The following SSPN variants were observed in gnomAD, a reference collection of about 807,000 sequenced individuals.
SSPN encodes the protein K-ras oncogene-associated protein.
In SSPN, 15 loss-of-function variants were observed where a neutral mutation model predicts 19.1. That is an observed-to-expected ratio of 0.78 (90% confidence interval 0.52 to 1.21). SSPN has a LOEUF of 1.21. Ranked by LOEUF, SSPN falls within the 50% of genes most tolerant of loss-of-function variation. SSPN has a pLI of 0.00. For synonymous variants in SSPN, 147 were observed against 140.3 expected (o/e 1.05, Z -0.34); for missense variants, 291 against 314.0 (o/e 0.93, Z 0.55).
upstream of SSPN, among the ~76,000 whole-genome samples, chr12:26,192,381 A>G (rs2137452799): frequency 6.6e-6 from 1 of 152,226 alleles, no homozygotes; most frequent in East Asian, 1.9e-4. Flanking sequence ...ATACTGAAAA[A>G]CCCAGTTCAT....
chr12:26,187,896 G>T (rs875296), intron 1 of SSPN, among the ~76,000 whole-genome samples: 12 of 151,932 alleles, frequency 7.9e-5, no homozygotes, highest in South Asian at 2.1e-4. Flanking sequence ...TTTTGTGAAG[G>T]GTATAAGAAG....
At chr12:26,216,196 A>G (rs1486374913) in intron 1 of SSPN, among the ~76,000 whole-genome samples, 1 of 152,154 alleles carries the variant, frequency 6.6e-6, no homozygotes, top group Non-Finnish European at 1.5e-5. Flanking sequence ...CATTTCGATA[A>G]ACCCTACACC....
intron 1 of SSPN, among the ~76,000 whole-genome samples, chr12:26,145,507 T>A (rs913940657): frequency 6.6e-6 from 1 of 152,204 alleles, no homozygotes; most frequent in African/African-American, 2.4e-5. Flanking sequence ...GTGTCCGCTA[T>A]GCCTGGGACA....
At chr12:26,163,543 G>A (rs939707194) in intron 1 of SSPN, among the ~76,000 whole-genome samples, 3 of 152,178 alleles carry the variant, frequency 2.0e-5, no homozygotes, top group African/African-American at 2.4e-5. Context: ...TTGCTGTGTC[G>A]TCACATGGCA....
rs1435330698 is a variant in SSPN, at chr12:26,232,612, A to C, written c.*1536A>C. ...CCTGCTTGTCTTAGAAGAAAGTGGAATAATTCCACTGATTGTGATAATGGT... is the reference window on the plus strand; with the variant it reads ...CCTGCTTGTCTTAGAAGAAAGTGGACTAATTCCACTGATTGTGATAATGGT... On this transcript the variant is annotated 3_prime_UTR_variant, in exon 3 of 3. Transcript: ENST00000242729. 4 of 985,290 alleles carry C rather than the reference A, an allele frequency of 4.1e-6. No homozygotes were observed. Among genetic ancestry groups the C allele is most frequent in the Non-Finnish European group, 3.6e-6 (3 of 829,904 alleles). 61.0% of individuals were successfully genotyped at this position (985,290 alleles called of 1,614,324 possible). A position where few individuals can be genotyped will look rare whatever the true frequency, so the allele number is the denominator to read the frequency against.
chr12:26,194,143 G>A (rs1373037827), upstream of SSPN, among the ~76,000 whole-genome samples: 2 of 152,188 alleles, frequency 1.3e-5, no homozygotes, highest in Non-Finnish European at 2.9e-5. Context: ...CCCCCAAAGT[G>A]ATGGGATCAT....
chr12:26,214,987 T>C (rs1945031508), intron 1 of SSPN, among the ~76,000 whole-genome samples: 1 of 152,190 alleles, frequency 6.6e-6, no homozygotes, highest in Non-Finnish European at 1.5e-5. Flanking sequence ...GTGGGGGTTG[T>C]ATAAGCTGCT....
chr12:26,139,805 G>A (rs1003120827), intron 1 of SSPN, among the ~76,000 whole-genome samples: 1 of 152,166 alleles, frequency 6.6e-6, no homozygotes, highest in African/African-American at 2.4e-5. Context: ...TTACTTAGTG[G>A]TAAATTTTTA....
chr12:26,180,163 T>G (rs931326145), intron 1 of SSPN: 1 of 152,190 alleles, frequency 6.6e-6, no homozygotes, highest in African/African-American at 2.4e-5. Context: ...ATGTTTCATC[T>G]TCCATCTCTA....
chr12:26,137,636 G>GTGTATA (rs1555175653), intron 1 of SSPN, among the ~76,000 whole-genome samples: 1 of 31,378 alleles, frequency 3.2e-5, no homozygotes, highest in South Asian at 2.3e-3. Context: ...GTGTGTGTAT[G>GTGTATA]TATATATATA....
intron 1 of SSPN, among the ~76,000 whole-genome samples, chr12:26,182,522 G>C (rs73086959): frequency 0.12 from 17,752 of 151,532 alleles, 1,157 homozygotes; most frequent in South Asian, 0.18. Context: ...TGAAGGACCA[G>C]GCTCATTTCA....
chr12:26,124,476 CTA>C (rs1248400511), intron 1 of SSPN: 1 of 1,580,130 alleles, frequency 6.3e-7, no homozygotes, highest in Non-Finnish European at 8.7e-7. Flanking sequence ...CTCTAATTAA[CTA>C]CCCATGCAGG....
At chr12:26,169,593 ATTTT>A (rs558232172) in intron 1 of SSPN, among the ~76,000 whole-genome samples, 1 of 120,578 alleles carries the variant, frequency 8.3e-6, no homozygotes, top group African/African-American at 2.8e-5. Flanking sequence ...ATATATATAT[ATTTT>A]TTTTTCTTAG....
chr12:26,124,512 C>A (rs753698269), intron 1 of SSPN: 20 of 1,613,640 alleles, frequency 1.2e-5, no homozygotes, highest in Admixed American at 1.7e-5. Context: ...CGGGAACTTA[C>A]ACTTACCTTG....
chr12:26,167,840 CTT>C (rs1944630583), intron 1 of SSPN, among the ~76,000 whole-genome samples: 1 of 152,198 alleles, frequency 6.6e-6, no homozygotes, highest in African/African-American at 2.4e-5. Context: ...ACATTGCAGT[CTT>C]TAAAATAAAA....
At chr12:26,122,354 C>T in intron 1 of SSPN, 2 of 1,182,630 alleles carry the variant, frequency 1.7e-6, no homozygotes, top group East Asian at 3.8e-5. Flanking sequence ...CGGGGTATAG[C>T]AGCGGGAACG....
intron 1 of SSPN, among the ~76,000 whole-genome samples, chr12:26,150,306 T>A (rs149470826): frequency 6.6e-6 from 1 of 152,304 alleles, no homozygotes; most frequent in Non-Finnish European, 1.5e-5. Flanking sequence ...ATTTTGACAC[T>A]GAGAGCAAAG....
intron 1 of SSPN, chr12:26,124,906 C>A (rs957804883): frequency 4.2e-6 from 4 of 952,996 alleles, no homozygotes; most frequent in Non-Finnish European, 6.8e-6. Context: ...TCTCCCTCTT[C>A]AGTGCAGTGT....
At chr12:26,175,117 T>G (rs1402104822) in intron 1 of SSPN, among the ~76,000 whole-genome samples, 3 of 152,234 alleles carry the variant, frequency 2.0e-5, no homozygotes, top group Non-Finnish European at 4.4e-5. Flanking sequence ...TTTAAGAAAT[T>G]ACCAAACTCT....
Sources: allele counts gnomAD v4.1 joint callset (sites outside exome capture counted in the v4.1 genomes callset), GRCh38; gene constraint gnomAD v4.1.1; transcripts MANE v1.5; gene names NCBI Gene and HGNC (gene_info 2026-07-23, HGNC 2026-07-21).